SH3D19: variants seen among roughly 807,000 people sequenced by gnomAD.
SH3D19 encodes the protein SH3 domain-containing protein 19.
SH3D19 carries 58 observed loss-of-function variants against 112.1 expected under a neutral mutation model. The ratio of observed to expected loss-of-function variants is 0.52; its 90% CI spans 0.42 to 0.64. The LOEUF is 0.64. SH3D19 is among the 30% of genes least tolerant of loss of function. The pLI is 0.00. For missense variants in SH3D19, 1,090 were observed against 1,263.4 expected, an observed-to-expected ratio of 0.86 and a Z score of 2.08; for synonymous variants, 391 against 448.5, an observed-to-expected ratio of 0.87 and a Z score of 1.62.
At chr4:151,254,323 T>TTTA (rs1771642829) in intron 1 of SH3D19, among the ~76,000 whole-genome samples, 1 of 151,614 alleles carries the variant, frequency 6.6e-6, no homozygotes, top group Non-Finnish European at 1.5e-5. Flanking sequence ...ATTTATTTTT[T>TTTA]AAATTTATTT....
intron 2 of SH3D19, among the ~76,000 whole-genome samples, chr4:151,199,251 T>A (rs749170207): frequency 6.6e-6 from 1 of 152,150 alleles, no homozygotes; most frequent in Non-Finnish European, 1.5e-5. Flanking sequence ...GGGGAATGAC[T>A]GACTGTTCAT....
chr4:151,276,017 ATT>A (rs1268866739), intron 1 of SH3D19, among the ~76,000 whole-genome samples: 1 of 151,646 alleles, frequency 6.6e-6, no homozygotes, highest in Non-Finnish European at 1.5e-5. Context: ...TAATTTTTGT[ATT>A]TTTAGTAGAG....
intron 1 of SH3D19, among the ~76,000 whole-genome samples, chr4:151,284,175 AT>A (rs997938615): frequency 6.6e-6 from 1 of 152,122 alleles, no homozygotes; most frequent in Non-Finnish European, 1.5e-5. Flanking sequence ...ATTCTGCCTC[AT>A]TTCTCTCTCC....
chr4:151,144,267 CA>C, intron 11 of SH3D19: 4 of 1,614,008 alleles, frequency 2.5e-6, no homozygotes, highest in Non-Finnish European at 2.5e-6. Flanking sequence ...TCTTCATTGG[CA>C]ATTCCATGAG....
chr4:151,275,861 T>TTTTTTTTG (rs201239876), intron 1 of SH3D19, among the ~76,000 whole-genome samples: 4 of 132,450 alleles, frequency 3.0e-5, no homozygotes, highest in Non-Finnish European at 5.0e-5. Context: ...TTTTTTTTTT[T>TTTTTTTTG]AGACGGAGTC....
chr4:151,283,416 C>A (rs1036032661), intron 1 of SH3D19: 1 of 734,174 alleles, frequency 1.4e-6, no homozygotes, highest in African/African-American at 1.8e-5. Context: ...CTTATGTTAC[C>A]CTGGACAAAT....
chr4:151,305,913 CT>C (rs1262366131), intron 1 of SH3D19, among the ~76,000 whole-genome samples: 8 of 152,206 alleles, frequency 5.3e-5, no homozygotes, highest in African/African-American at 1.9e-4. Flanking sequence ...CATAAACAAA[CT>C]GGTACACTCA....
At chr4:151,158,941 G>A (rs554374012) in intron 9 of SH3D19, among the ~76,000 whole-genome samples, 4 of 152,056 alleles carry the variant, frequency 2.6e-5, no homozygotes, top group Non-Finnish European at 5.9e-5. Context: ...AATATTAAAG[G>A]TTTTTAGACA....
At chr4:151,279,869 GGTCA>G in intron 1 of SH3D19, 1 of 1,613,886 alleles carries the variant, frequency 6.2e-7, no homozygotes, top group Non-Finnish European at 8.5e-7. Context: ...GGCCTTGGCA[GGTCA>G]GCCTACACTT....
chr4:151,176,751 A>C, intron 5 of SH3D19, 64 bp from the exon 6 acceptor site: 1 of 1,229,238 alleles, frequency 8.1e-7, no homozygotes. Context: ...TGACAGTCTC[A>C]CTGTTCTTAT....
At chr4:151,234,010 T>C (rs1769813839) in intron 1 of SH3D19, among the ~76,000 whole-genome samples, 1 of 152,234 alleles carries the variant, frequency 6.6e-6, no homozygotes, top group East Asian at 1.9e-4. Flanking sequence ...CATGGATATA[T>C]CTAATATTGC....
chr4:151,125,345 C>T (rs1242578618), intron 19 of SH3D19, among the ~76,000 whole-genome samples: 1 of 151,936 alleles, frequency 6.6e-6, no homozygotes, highest in African/African-American at 2.4e-5. Flanking sequence ...CACCTGTAGT[C>T]CCAGCTACTC....
chr4:151,183,174 T>C (rs1165753552), intron 3 of SH3D19, among the ~76,000 whole-genome samples: 1 of 151,932 alleles, frequency 6.6e-6, no homozygotes, highest in African/African-American at 2.4e-5. Flanking sequence ...GTATTTTTAG[T>C]AGAGATGGGG....
In SH3D19 at chr4:151,325,519, C is replaced by T. The variant is rs1730960668; in HGVS notation, c.-167G>A. 6.5e-6 allele frequency: 2 copies of T among 309,292 alleles called. No individual in the cohort carries two copies. The highest frequency in any genetic ancestry group is 2.2e-5 in the African/African-American group (1 of 45,396). The allele number at this position is 309,292 out of a possible 1,614,324, so 19.2% of individuals were successfully genotyped here. A position where few individuals can be genotyped will look rare whatever the true frequency, so the allele number is the denominator to read the frequency against. On this transcript the variant is annotated 5_prime_UTR_variant, in exon 1 of 20. Transcript: ENST00000604030. ...GTGGAAATGGCCACCTCCGCGAACTCCACCTGCAGCCGGCCGGGCAGCGGC... is the reference window on the plus strand; with the variant it reads ...GTGGAAATGGCCACCTCCGCGAACTTCACCTGCAGCCGGCCGGGCAGCGGC...
intron 1 of SH3D19, among the ~76,000 whole-genome samples, chr4:151,253,549 G>A (rs748050050): frequency 3.3e-5 from 5 of 152,168 alleles, no homozygotes; most frequent in Non-Finnish European, 7.3e-5. Flanking sequence ...GACCACCCTG[G>A]CTAACACAGT....
intron 2 of SH3D19, among the ~76,000 whole-genome samples, chr4:151,195,819 A>G (rs1056258257): frequency 6.6e-6 from 1 of 152,036 alleles, no homozygotes; most frequent in Non-Finnish European, 1.5e-5. Flanking sequence ...TCCATGCCAT[A>G]AAATACTTTA....
intron 1 of SH3D19, among the ~76,000 whole-genome samples, chr4:151,257,271 A>G (rs369343651): frequency 3.4e-4 from 51 of 152,210 alleles, no homozygotes; most frequent in African/African-American, 1.2e-3. Flanking sequence ...TATTTTTAGT[A>G]GAGACGGGGT....
chr4:151,175,101 G>C lies in SH3D19; in HGVS notation c.1103C>G (p.Pro368Arg), dbSNP rs1759742708. 1 of 1,614,034 alleles carries C rather than the reference G, an allele frequency of 6.2e-7. No individual in the cohort carries two copies. The highest frequency in any genetic ancestry group is 1.3e-5 in the African/African-American group (1 of 74,920). The change falls in exon 7 of 20, where the codon CCT becomes CGT. Residue 368 changes from proline (P) to arginine (R), a missense_variant. Coordinates refer to ENST00000604030, the MANE Select transcript of SH3D19 (RefSeq NM_001378122.1). The stretch of plus-strand genomic sequence containing the variant: ...GATGCTTCCCGCTTCTTGCAGGGGA[G>C]GGTATGGGGTGAGTCCTTCCTTGGA... ...VTSKEGLTPY[P>R]PLQEAGSIPV...
At chr4:151,320,546 C>T (rs935532178) in intron 1 of SH3D19, among the ~76,000 whole-genome samples, 3 of 152,060 alleles carry the variant, frequency 2.0e-5, no homozygotes, top group African/African-American at 7.2e-5. Context: ...TTCATCTATA[C>T]TGAAATGAAG....
Sources: allele counts gnomAD v4.1 joint callset (sites outside exome capture counted in the v4.1 genomes callset), GRCh38; gene constraint gnomAD v4.1.1; transcripts MANE v1.5; gene names NCBI Gene and HGNC (gene_info 2026-07-23, HGNC 2026-07-21).